Variants in GABRG1 observed in about 807,000 individuals in gnomAD.
GABRG1 encodes gamma-aminobutyric acid type A receptor subunit gamma1.
GABRG1 carries 49 observed loss-of-function variants against 49.8 expected under a neutral mutation model. The ratio of observed to expected loss-of-function variants is 0.98; its 90% CI spans 0.78 to 1.25. The LOEUF is 1.25. GABRG1 is among the 50% of genes most tolerant of loss of function. The pLI, the probability that GABRG1 is intolerant of heterozygous loss-of-function variation, is 0.00. For missense variants in GABRG1, 552 were observed against 552.3 expected (o/e 1.00, Z 0.01); for synonymous variants, 232 against 185.1 (o/e 1.25, Z -2.06).
chr4:46,070,691 G>T (rs1164827374), intron 3 of GABRG1, among the ~76,000 whole-genome samples: 4 of 152,072 alleles, frequency 2.6e-5, no homozygotes, highest in African/African-American at 9.7e-5. Flanking sequence ...ATGTGATATT[G>T]TAGGGGCTGG....
rs1257183145 is a variant in GABRG1 at position 46,041,027 on chromosome 4, C to G, written c.1359G>C (p.Leu453=). 1.9e-6 allele frequency: 3 copies of G among 1,612,018 alleles called. No homozygotes were observed. The highest frequency in any genetic ancestry group is 2.5e-6 in the Non-Finnish European group (3 of 1,178,792). Residue 453 remains leucine (L), a synonymous_variant, in exon 9 of 9, where the codon CTG becomes CTC. Coordinates refer to ENST00000295452, the MANE Select transcript of GABRG1 (RefSeq NM_173536.4). ...AGCCAACCCAATAAACCAAGTTGAA[C>G]AGGGCAAAAGCGGTTGGGAAAAATA... ...SRIFFPTAFA[L]FNLVYWVGYL...
intron 3 of GABRG1, among the ~76,000 whole-genome samples, chr4:46,072,571 G>C (rs899147385): frequency 2.0e-5 from 3 of 151,916 alleles, no homozygotes; most frequent in African/African-American, 7.2e-5. Context: ...TCCATCTCTT[G>C]GTCTCTCTGA....
At chr4:46,072,112 A>G (rs1004927170) in intron 3 of GABRG1, among the ~76,000 whole-genome samples, 1 of 152,004 alleles carries the variant, frequency 6.6e-6, no homozygotes, top group African/African-American at 2.4e-5. Context: ...ATGTTTAGGT[A>G]TGTTTAGATA....
chr4:46,063,074 G>A (rs143456996), intron 5 of GABRG1, among the ~76,000 whole-genome samples: 72,778 of 146,928 alleles, frequency 0.5, 18,511 homozygotes, highest in African/African-American at 0.61. Context: ...AATCAATATC[G>A]TGAAAATGGC....
At chr4:46,051,122 A>C (rs1404572325) in intron 8 of GABRG1, among the ~76,000 whole-genome samples, 1 of 151,946 alleles carries the variant, frequency 6.6e-6, no homozygotes, top group Non-Finnish European at 1.5e-5. Context: ...AAATCCTAAC[A>C]CAAAAAATCG....
At chr4:46,092,985 C>T (rs1474045913) in intron 2 of GABRG1, among the ~76,000 whole-genome samples, 1 of 149,794 alleles carries the variant, frequency 6.7e-6, no homozygotes, top group Non-Finnish European at 1.5e-5. Context: ...AGGAGAATTG[C>T]TTGAACCCAG....
At position 46,070,968 on chromosome 4, in the gene GABRG1, G is replaced by A. The variant is rs908939163; in HGVS notation, c.322-5384C>T. On this transcript the variant is annotated intron_variant, in intron 3 of 8. Transcript: ENST00000295452. ...CTGAACTGGAATTTAGCCAAATACAGTCATGCACTGCCTAATGACATTTTC... is the reference window on the plus strand; with the variant it reads ...CTGAACTGGAATTTAGCCAAATACAATCATGCACTGCCTAATGACATTTTC... Among the ~76,000 whole-genome samples, 157 of 152,054 alleles carry A rather than the reference G, an allele frequency of 1.0e-3. 1 individual carries two copies. Among genetic ancestry groups the A allele is most frequent in the Non-Finnish European group, 2.6e-4 (18 of 67,990 alleles).
chr4:46,098,250 A>C (rs961210239), intron 1 of GABRG1, among the ~76,000 whole-genome samples: 1 of 151,754 alleles, frequency 6.6e-6, no homozygotes, highest in African/African-American at 2.4e-5. Flanking sequence ...ACAATTCATC[A>C]AAGGTAATAA....
intron 2 of GABRG1, among the ~76,000 whole-genome samples, chr4:46,096,904 C>G (rs950958259): frequency 5.3e-5 from 8 of 151,692 alleles, no homozygotes; most frequent in Non-Finnish European, 8.9e-5. Flanking sequence ...TGTATCTTAT[C>G]TTTCAAATAT....
rs1339863151 is a variant in GABRG1 at position 46,110,270 on chromosome 4, C to T, written c.105-12921G>A. 6.6e-5 allele frequency among the ~76,000 whole-genome samples: 10 copies of T among 150,936 alleles called. No homozygotes were observed. The South Asian group carries it at 1.5e-3, about 22-fold the overall frequency. The stretch of plus-strand genomic sequence containing the variant: ...GCACCCTTTATAATTATGCAATGCC[C>T]TCCTTTGTCCATTTTTACTGTTGAT... On this transcript the variant is annotated intron_variant, in intron 1 of 8. Coordinates refer to ENST00000295452, the MANE Select transcript of GABRG1 (RefSeq NM_173536.4).
In GABRG1 at chr4:46,123,834, A is replaced by T. The variant is rs533071691; in HGVS notation, c.80T>A (p.Leu27Ter). The change falls in exon 1 of 9, where the codon TTA becomes TAA. Residue 27 changes from leucine to a stop codon, truncating the protein, a stop_gained. Coordinates refer to ENST00000295452, the MANE Select transcript of GABRG1 (RefSeq NM_173536.4). LOFTEE classifies it high-confidence loss of function. ...CCAGTTTCCCAAATGCAGGGTCAGTAACAAGAAGACCAACCTCACCCCTCT... is the reference window on the plus strand; with the variant it reads ...CCAGTTTCCCAAATGCAGGGTCAGTTACAAGAAGACCAACCTCACCCCTCT... ...QSRGVRLVFL[L>*]LTLHLGNCVD... The T allele has an allele frequency of 6.2e-7, 1 of 1,613,640 alleles. No individual in the cohort carries two copies. The highest frequency in any genetic ancestry group is 1.1e-5 in the South Asian group (1 of 91,068).
chr4:46,120,618 T>G (rs755304373), intron 1 of GABRG1, among the ~76,000 whole-genome samples: 18 of 151,804 alleles, frequency 1.2e-4, no homozygotes, highest in Non-Finnish European at 2.2e-4. Flanking sequence ...CAACATTTTA[T>G]TACAAATTTA....
At chr4:46,059,479 C>T (rs1347983558) in intron 5 of GABRG1, among the ~76,000 whole-genome samples, 1 of 152,010 alleles carries the variant, frequency 6.6e-6, no homozygotes, top group Admixed American at 6.6e-5. Context: ...TGTCTGCCGC[C>T]CAGGTTCAAG....
At chr4:46,070,352 C>A (rs1474349794) in intron 3 of GABRG1, among the ~76,000 whole-genome samples, 2 of 151,678 alleles carry the variant, frequency 1.3e-5, no homozygotes, top group Non-Finnish European at 2.9e-5. Flanking sequence ...AGTAAAATAT[C>A]AAACATTATA....
At chr4:46,118,788 T>G (rs1212392995) in intron 1 of GABRG1, among the ~76,000 whole-genome samples, 1 of 149,710 alleles carries the variant, frequency 6.7e-6, no homozygotes, top group Non-Finnish European at 1.5e-5. Flanking sequence ...ACTGATAGAC[T>G]TAATGAAATG....
intron 1 of GABRG1, among the ~76,000 whole-genome samples, chr4:46,106,328 C>T (rs939145926): frequency 2.0e-5 from 3 of 151,308 alleles, no homozygotes; most frequent in East Asian, 3.9e-4. Context: ...TTGATCAGTC[C>T]TTCACTGGGT....
intron 3 of GABRG1, 24 bp from the exon 4 acceptor site, chr4:46,065,608 C>T: frequency 2.9e-6 from 3 of 1,038,804 alleles, no homozygotes; most frequent in Non-Finnish European, 4.3e-6. Context: ...AGAGTAACAA[C>T]ATATTAGTAA....
chr4:46,071,815 A>T (rs1719135411), intron 3 of GABRG1, among the ~76,000 whole-genome samples: 1 of 152,116 alleles, frequency 6.6e-6, no homozygotes, highest in African/African-American at 2.4e-5. Context: ...TTAAGCTGTT[A>T]TGAAAATGTC....
intron 8 of GABRG1, among the ~76,000 whole-genome samples, chr4:46,050,751 A>G (rs1347626557): frequency 6.6e-6 from 1 of 151,810 alleles, no homozygotes; most frequent in African/African-American, 2.4e-5. Flanking sequence ...TTGAACCTCT[A>G]CTTAGAGAGT....
Sources: gnomAD v4.1 joint callset for allele counts (sites outside exome capture counted in the v4.1 genomes callset) on GRCh38, gnomAD v4.1.1 for gene constraint, MANE v1.5 for transcripts, NCBI Gene and HGNC (gene_info 2026-07-23, HGNC 2026-07-21) for gene names.